CSMD1: variants seen among roughly 807,000 people sequenced by gnomAD.
The protein encoded by CSMD1 is CUB and sushi domain-containing protein 1.
A neutral mutation model predicts 417.5 loss-of-function variants in CSMD1; 213 were observed. The ratio of observed to expected loss-of-function variants is 0.51; its 90% confidence interval spans 0.46 to 0.57. The LOEUF is 0.57. Among genes scored for constraint, CSMD1 ranks in the 20% least tolerant of loss-of-function variants. The probability of loss-of-function intolerance (pLI) is 0.00; values close to 1 mark genes in which losing one functional copy is unlikely to be tolerated. For missense variants in CSMD1, 6,923 were observed against 4,529.7 expected (o/e 1.53, Z -15.17); for synonymous variants, 2,862 against 1,736.8 (o/e 1.65, Z -16.11).
chr8:4,887,914 G>A lies in CSMD1; in HGVS notation c.85+106418C>T, dbSNP rs561190458. On this transcript the variant is annotated intron_variant, in intron 1 of 69. Coordinates refer to ENST00000635120, the MANE Select transcript of CSMD1 (RefSeq NM_033225.6). ...TTCATTCTTTTACTTGAACATACACGTATTTTTTATCTAAAGTGAGTCTCA... is the reference window on the plus strand; with the variant it reads ...TTCATTCTTTTACTTGAACATACACATATTTTTTATCTAAAGTGAGTCTCA... 8.0e-4 allele frequency among the ~76,000 whole-genome samples: 121 copies of A among 151,896 alleles called. No individual in the cohort carries two copies. The Middle Eastern group carries it at 0.014, about 17-fold the overall frequency.
chr8:3,978,705 G>A (rs778133161), intron 5 of CSMD1, among the ~76,000 whole-genome samples: 1 of 152,002 alleles, frequency 6.6e-6, no homozygotes, highest in Non-Finnish European at 1.5e-5. Context: ...ATCACTAATT[G>A]AGCACTCTGA....
chr8:4,307,143 C>A (rs190065168), intron 3 of CSMD1, among the ~76,000 whole-genome samples: 4 of 152,238 alleles, frequency 2.6e-5, no homozygotes, highest in African/African-American at 7.2e-5. Context: ...ACTGAGTTCC[C>A]ATTTCTACTT....
chr8:3,437,275 T>A (rs2117044237), intron 12 of CSMD1, among the ~76,000 whole-genome samples: 1 of 152,302 alleles, frequency 6.6e-6, no homozygotes, highest in Admixed American at 6.5e-5. Flanking sequence ...AACACAGGCA[T>A]CCCAAATGAC....
rs191998007 is a variant in CSMD1, at chr8:4,444,124, T to C, written c.303-24059A>G. Among the ~76,000 whole-genome samples, 419 of 151,940 alleles carry C rather than the reference T, an allele frequency of 2.8e-3. 1 individual carries two copies. The highest frequency in any genetic ancestry group is 4.5e-3 in the Non-Finnish European group (308 of 67,950). ...TGGGAGGTCGAGGCAGGTCGATCAC[T>C]TCAGGTCAGAAATTTGAGACCACTC... is the stretch of plus-strand genomic sequence containing the variant. On this transcript the variant is annotated intron_variant, in intron 2 of 69. Transcript: ENST00000635120.
chr8:4,871,886 C>G (rs770688071), intron 1 of CSMD1, among the ~76,000 whole-genome samples: 2 of 152,046 alleles, frequency 1.3e-5, no homozygotes, highest in Non-Finnish European at 2.9e-5. Flanking sequence ...ATGGATGACA[C>G]CTGTCTTTCC....
chr8:4,972,319 C>T (rs987357375), intron 1 of CSMD1, among the ~76,000 whole-genome samples: 2 of 152,062 alleles, frequency 1.3e-5, no homozygotes, highest in Non-Finnish European at 2.9e-5. Flanking sequence ...CCCCTACTCC[C>T]GATAATCCCC....
intron 2 of CSMD1, among the ~76,000 whole-genome samples, chr8:4,630,803 G>C (rs563747369): frequency 3.9e-5 from 6 of 152,088 alleles, no homozygotes; most frequent in East Asian, 1.9e-4. Flanking sequence ...CTCCAGTTAA[G>C]AAGTCACCTC....
At chr8:4,661,180 G>A (rs1243926319) in intron 1 of CSMD1, among the ~76,000 whole-genome samples, 1 of 152,004 alleles carries the variant, frequency 6.6e-6, no homozygotes, top group African/African-American at 2.4e-5. Context: ...TTATAGCAGC[G>A]TTATCTGGAA....
chr8:4,076,314 G>T (rs1799819416), intron 3 of CSMD1, among the ~76,000 whole-genome samples: 1 of 152,106 alleles, frequency 6.6e-6, no homozygotes, highest in Admixed American at 6.6e-5. Flanking sequence ...GTTTCCTGAG[G>T]CCTCCCAGCC....
intron 26 of CSMD1, among the ~76,000 whole-genome samples, chr8:3,256,999 C>G (rs1800701557): frequency 6.6e-6 from 1 of 152,182 alleles, no homozygotes; most frequent in African/African-American, 2.4e-5. Context: ...ATTTTCATTA[C>G]TATTCATTCA....
intron 4 of CSMD1, among the ~76,000 whole-genome samples, chr8:4,026,451 C>G (rs1344026096): frequency 6.6e-6 from 1 of 152,152 alleles, no homozygotes; most frequent in Non-Finnish European, 1.5e-5. Flanking sequence ...TCAACTTTGA[C>G]TACAGATACG....
chr8:3,817,252 CTTTTTTTTTTTTTTTTTTTTTTTTTT>C lies in CSMD1; in HGVS notation c.819-63236_819-63211del, dbSNP rs767668610. ...TCCAAAGTGGTCATATCTTCTTCTT[CTTTTTTTTTTTTTTTTTTTTTTTTTT>C]TTTTTTTTTTTTTTTTTTTTGAGAT... On this transcript the variant is annotated intron_variant, in intron 5 of 69. Coordinates refer to ENST00000635120, the MANE Select transcript of CSMD1 (RefSeq NM_033225.6). 5.5e-3 allele frequency among the ~76,000 whole-genome samples: 300 copies of C among 54,408 alleles called. 3 individuals are homozygous for C. The highest frequency in any genetic ancestry group is 0.043 in the South Asian group (52 of 1,200). The allele number at this position is 54,408 out of a possible 152,430, so 35.7% of individuals were successfully genotyped here. A position where few individuals can be genotyped will look rare whatever the true frequency, so the allele number is the denominator to read the frequency against.
chr8:4,327,849 A>C (rs1022635792), intron 3 of CSMD1, among the ~76,000 whole-genome samples: 5 of 152,186 alleles, frequency 3.3e-5, no homozygotes, highest in Non-Finnish European at 7.4e-5. Context: ...TGTTTGAAAG[A>C]TGACACATTT....
chr8:3,947,714 C>G (rs930882877), intron 5 of CSMD1, among the ~76,000 whole-genome samples: 4 of 152,100 alleles, frequency 2.6e-5, no homozygotes, highest in Non-Finnish European at 4.4e-5. Flanking sequence ...ATTGACTAAG[C>G]CTTTTTTTAA....
chr8:4,310,036 G>C (rs1229511122), intron 3 of CSMD1, among the ~76,000 whole-genome samples: 2 of 152,144 alleles, frequency 1.3e-5, no homozygotes, highest in Non-Finnish European at 2.9e-5. Flanking sequence ...AGCCTTAGAA[G>C]ACAGAGGGTA....
chr8:3,107,683 C>T (rs1357138548), intron 45 of CSMD1, 35 bp downstream of exon 45: 3 of 1,224,774 alleles, frequency 2.4e-6, no homozygotes, highest in Non-Finnish European at 3.6e-6. Context: ...AAATGTCGTG[C>T]TGAATTCATG....
chr8:3,892,566 C>T lies in CSMD1; in HGVS notation c.818+105337G>A, dbSNP rs906288257. 3.3e-5 allele frequency among the ~76,000 whole-genome samples: 5 copies of T among 150,836 alleles called. No homozygotes were observed. The East Asian group carries it at 7.7e-4, about 23-fold the overall frequency. On this transcript the variant is annotated intron_variant, in intron 5 of 69. Transcript: ENST00000635120. ...AATAATAATAATAATAATAAGATTA[C>T]TCTAAGTAAAACCAGTTAAATCTGT... is the stretch of plus-strand genomic sequence containing the variant.
intron 3 of CSMD1, among the ~76,000 whole-genome samples, chr8:4,413,835 C>G (rs1163404593): frequency 1.3e-5 from 2 of 152,114 alleles, no homozygotes; most frequent in African/African-American, 2.4e-5. Flanking sequence ...CCTACTTCTA[C>G]TTGTTATGAA....
intron 37 of CSMD1, among the ~76,000 whole-genome samples, chr8:3,172,682 T>C (rs1359200579): frequency 6.6e-6 from 1 of 152,062 alleles, no homozygotes; most frequent in Admixed American, 6.6e-5. Flanking sequence ...GGAGAAAGAA[T>C]CACCCTCAGG....
Sources: gnomAD v4.1 joint callset for allele counts (sites outside exome capture counted in the v4.1 genomes callset) on GRCh38, gnomAD v4.1.1 for gene constraint, MANE v1.5 for transcripts, NCBI Gene and HGNC (gene_info 2026-07-23, HGNC 2026-07-21) for gene names.